The following TULP4 variants were observed in gnomAD, a reference collection of about 807,000 sequenced individuals.
TULP4 encodes tubby-related protein 4.
A neutral mutation model predicts 129.0 loss-of-function variants in TULP4; 16 were observed. That is an observed-to-expected ratio of 0.12 (90% confidence interval 0.08 to 0.19). The LOEUF (loss-of-function observed/expected upper bound fraction) is 0.19. Among genes scored for constraint, TULP4 ranks in the 10% least tolerant of loss-of-function variants. The pLI is 1.00. For synonymous variants in TULP4, 998 were observed against 854.0 expected (o/e 1.17, Z -2.94); for missense variants, 1,842 against 2,059.1 (o/e 0.89, Z 2.04).
chr6:158,285,943 C>G (rs919470212), intron 1 of TULP4, among the ~76,000 whole-genome samples: 5 of 152,144 alleles, frequency 3.3e-5, no homozygotes, highest in African/African-American at 1.2e-4. Context: ...CCATTTGAGT[C>G]CTTTCTATAT....
At chr6:158,352,457 C>T (rs1324710980) in intron 1 of TULP4, among the ~76,000 whole-genome samples, 1 of 152,148 alleles carries the variant, frequency 6.6e-6, no homozygotes, top group Non-Finnish European at 1.5e-5. Flanking sequence ...AGTGCAGTGG[C>T]ACGATCTCGG....
chr6:158,246,023 G>GTGTGT (rs1778022881), intron 1 of TULP4, among the ~76,000 whole-genome samples: 1 of 145,822 alleles, frequency 6.9e-6, no homozygotes, highest in East Asian at 2.0e-4. Context: ...ACCCCTTAGG[G>GTGTGT]GTGTGTGTGT....
chr6:158,400,156 G>T (rs186247431), intron 1 of TULP4, among the ~76,000 whole-genome samples: 1 of 152,162 alleles, frequency 6.6e-6, no homozygotes, highest in Non-Finnish European at 1.5e-5. Flanking sequence ...TTACCAAATT[G>T]AAAAAACATT....
intron 1 of TULP4, among the ~76,000 whole-genome samples, chr6:158,316,335 T>C (rs4709188): frequency 0.86 from 130,973 of 152,114 alleles, 56,815 homozygotes; most frequent in South Asian, 0.93. Flanking sequence ...TAGAAATTGC[T>C]TGTTTTCCAA....
chr6:158,423,135 GA>G (rs202010118), intron 2 of TULP4, among the ~76,000 whole-genome samples: 3,867 of 124,292 alleles, frequency 0.031, 295 homozygotes, highest in South Asian at 0.035. Flanking sequence ...GGGGGGGGGG[GA>G]AAGAAACCTT....
At chr6:158,385,333 C>T (rs1291903325) in intron 1 of TULP4, among the ~76,000 whole-genome samples, 1 of 152,192 alleles carries the variant, frequency 6.6e-6, no homozygotes, top group African/African-American at 2.4e-5. Flanking sequence ...TCTCTGCAGT[C>T]AGGGCATCCA....
At position 158,264,075 on chromosome 6, in the gene TULP4, A is replaced by T. The variant is rs143531197; in HGVS notation, n.68+31772A>T. ...GAGACTCTGTCTCAAAAACAAAAAA[A>T]CAAAACAAAAAGCCAGAATAAAGAA... On this transcript the variant is annotated intron_variant and non_coding_transcript_variant, in intron 1 of 1. Transcript: ENST00000620026. Among the ~76,000 whole-genome samples the T allele has an allele frequency of 3.1e-3, 468 of 152,274 alleles. 2 individuals are homozygous for T. The highest frequency in any genetic ancestry group is 0.01 in the Middle Eastern group (3 of 294).
intron 1 of TULP4, among the ~76,000 whole-genome samples, chr6:158,258,193 G>A (rs1778282149): frequency 6.6e-6 from 1 of 152,190 alleles, no homozygotes; most frequent in Non-Finnish European, 1.5e-5. Flanking sequence ...GGCTGTCTAC[G>A]GAATCCAGGT....
intron 3 of TULP4, among the ~76,000 whole-genome samples, chr6:158,431,529 C>G (rs556169005): frequency 6.6e-6 from 1 of 152,318 alleles, no homozygotes; most frequent in South Asian, 2.1e-4. Context: ...AGACGCAGCT[C>G]TTGCCTTTGA....
At chr6:158,238,353 A>T in intron 1 of TULP4, 1 of 739,816 alleles carries the variant, frequency 1.4e-6, no homozygotes, top group African/African-American at 1.8e-5. Context: ...GTAAACTGGC[A>T]GATATTTTGA....
chr6:158,482,327 C>T (rs1299881472), intron 8 of TULP4, among the ~76,000 whole-genome samples: 2 of 152,206 alleles, frequency 1.3e-5, no homozygotes, highest in Non-Finnish European at 2.9e-5. Flanking sequence ...GGTGCCCCAC[C>T]TCTGCCTGCC....
Position 158,504,115 on chromosome 6 carries a change from C to T in TULP4, c.4452C>T (p.Asp1484=). The part of the protein sequence containing the change: ...WNEATQVYQL[D]FGGRVTQESA... ...AGGCCACCCAGGTCTACCAGCTGGA[C>T]TTCGGGGGGCGGGTGACCCAGGAGT... The change falls in exon 13 of 14, where the codon GAC becomes GAT. Residue 1484 remains aspartate (D), a synonymous_variant. Transcript: ENST00000367097. The T allele has an allele frequency of 6.2e-7, 1 of 1,608,796 alleles. No individual in the cohort carries two copies. Among genetic ancestry groups the T allele is most frequent in the Non-Finnish European group, 8.5e-7 (1 of 1,178,014 alleles).
At chr6:158,235,039 C>A (rs1777662216) in intron 1 of TULP4, among the ~76,000 whole-genome samples, 1 of 152,088 alleles carries the variant, frequency 6.6e-6, no homozygotes, top group African/African-American at 2.4e-5. Flanking sequence ...CTGTGGCACA[C>A]ACCTGTAATC....
chr6:158,435,773 T>C (rs895389993), intron 3 of TULP4, among the ~76,000 whole-genome samples: 1 of 152,110 alleles, frequency 6.6e-6, no homozygotes, highest in South Asian at 2.1e-4. Context: ...TCAAGTCCAC[T>C]GTGGTCTGAA....
At chr6:158,237,892 G>C (rs1777748993) in intron 1 of TULP4, 7 of 740,244 alleles carry the variant, frequency 9.5e-6, no homozygotes, top group Middle Eastern at 5.8e-4. Context: ...CTGTGCCAGG[G>C]TATGAATATC....
In TULP4 at chr6:158,236,795, CTTTTT is replaced by C. The variant is rs71030149; in HGVS notation, n.68+4524_68+4528del. Among the ~76,000 whole-genome samples the C allele has an allele frequency of 9.6e-3, 605 of 63,108 alleles. 9 individuals are homozygous for C. The highest frequency in any genetic ancestry group is 0.027 in the African/African-American group (373 of 13,880). The allele number at this position is 63,108 out of a possible 152,430, so 41.4% of individuals were successfully genotyped here. ...AGATGGGTAAATGCCCAATTCTTTT[CTTTTT>C]TTTTTTTTTTTTTTTTTTTTTTTTT... On this transcript the variant is annotated intron_variant and non_coding_transcript_variant, in intron 1 of 1. Coordinates refer to the TULP4 transcript ENST00000620026.
chr6:158,498,735 G>A lies in TULP4; in HGVS notation c.1937G>A (p.Arg646Gln), dbSNP rs527631392. ...ATGACCATTTATCTCCCAGAAGTTCGGAAAATTTCCATGGACTATATTAAT... is the reference window on the plus strand; with the variant it reads ...ATGACCATTTATCTCCCAGAAGTTCAGAAAATTTCCATGGACTATATTAAT... Reference protein sequence around the residue: ...RQMTIYLPEVRKISMDYINLP... With the variant: ...RQMTIYLPEVQKISMDYINLP... Residue 646 changes from arginine (R) to glutamine (Q), a missense_variant, in exon 12 of 14, where the codon CGG (arginine) becomes CAG (glutamine). This residue lies in a region of TULP4 where 99 missense variants were observed against 165.1 expected (regional missense o/e 0.60). Coordinates refer to ENST00000367097, the MANE Select transcript of TULP4 (RefSeq NM_020245.5). 1.3e-5 allele frequency: 21 copies of A among 1,614,138 alleles called. No individual in the cohort carries two copies. Among genetic ancestry groups the A allele is most frequent in the African/African-American group, 6.7e-5 (5 of 75,022 alleles).
chr6:158,439,712 T>A (rs1778841241), intron 3 of TULP4, among the ~76,000 whole-genome samples: 4 of 119,148 alleles, frequency 3.4e-5, no homozygotes, highest in Admixed American at 2.5e-4. Flanking sequence ...TTTTTTTTTT[T>A]TTTTTTTTTT....
chr6:158,414,498 G>A (rs369678380), intron 2 of TULP4, among the ~76,000 whole-genome samples: 10 of 112,124 alleles, frequency 8.9e-5, no homozygotes, highest in African/African-American at 2.6e-4. Context: ...AGTGCCTGTA[G>A]CATGTGGAGG....
Sources: allele counts gnomAD v4.1 joint callset (sites outside exome capture counted in the v4.1 genomes callset), GRCh38; gene constraint gnomAD v4.1.1; regional missense constraint gnomAD v4.1.1; transcripts MANE v1.5; gene names NCBI Gene and HGNC (gene_info 2026-07-23, HGNC 2026-07-21).